VWA8: variants seen among roughly 807,000 people sequenced by gnomAD.
VWA8 encodes von Willebrand factor A domain containing 8.
Under a neutral mutation model 241.5 loss-of-function variants are expected in VWA8, and 221 were observed. The observed-to-expected ratio is 0.91, with a 90% CI of 0.82 to 1.02. The LOEUF (loss-of-function observed/expected upper bound fraction) is 1.02, where lower values mean the gene tolerates loss of function less well. Ranked by LOEUF, VWA8 falls within the 50% of genes least tolerant of loss-of-function variation. VWA8 has a pLI of 0.00. For missense variants in VWA8, 2,322 were observed against 2,328.7 expected, an observed-to-expected ratio of 1.00 and a Z score of 0.06; for synonymous variants, 852 against 827.1, an observed-to-expected ratio of 1.03 and a Z score of -0.52.
At chr13:41,827,898 T>C (rs747356328) in intron 14 of VWA8, among the ~76,000 whole-genome samples, 1 of 152,206 alleles carries the variant, frequency 6.6e-6, no homozygotes, top group African/African-American at 2.4e-5. Flanking sequence ...AGTAGAATGC[T>C]TCTGATGTCC....
intron 7 of VWA8, 32 bp downstream of exon 7, chr13:41,886,749 C>A: frequency 6.5e-7 from 1 of 1,533,074 alleles, no homozygotes; most frequent in South Asian, 1.2e-5. Flanking sequence ...ATTCAATATT[C>A]AGTGTCCAGA....
intron 5 of VWA8, 136 bp downstream of exon 5, chr13:41,891,284 G>T: frequency 1.0e-6 from 1 of 988,924 alleles, no homozygotes. Flanking sequence ...GTAAATTCAT[G>T]ACTCTAGCAA....
In VWA8 at chr13:41,907,572, G is replaced by A; in HGVS notation, c.483+14C>T. ...GGAGTACACAGTCATGGGCTAGAGT[G>A]TGACAGAACTTGCCTGATCAATGTA... is the stretch of plus-strand genomic sequence containing the variant. On this transcript the variant is annotated intron_variant, in intron 4 of 44. Coordinates refer to ENST00000379310, the MANE Select transcript of VWA8 (RefSeq NM_015058.2). 4.3e-6 allele frequency: 7 copies of A among 1,610,634 alleles called. No individual in the cohort carries two copies. The highest frequency in any genetic ancestry group is 5.9e-6 in the Non-Finnish European group (7 of 1,176,836).
At chr13:41,657,823 A>T (rs1013555804) in intron 37 of VWA8, among the ~76,000 whole-genome samples, 1 of 152,244 alleles carries the variant, frequency 6.6e-6, no homozygotes, top group Non-Finnish European at 1.5e-5. Flanking sequence ...TAACCCTAGC[A>T]CAGCAGATTT....
intron 41 of VWA8, among the ~76,000 whole-genome samples, chr13:41,588,973 G>A (rs1233260083): frequency 6.6e-6 from 1 of 152,158 alleles, no homozygotes; most frequent in South Asian, 2.1e-4. Flanking sequence ...CACATTTGTT[G>A]ACCACAATGA....
intron 12 of VWA8, among the ~76,000 whole-genome samples, chr13:41,848,015 G>T (rs1312881830): frequency 6.6e-6 from 1 of 152,130 alleles, no homozygotes; most frequent in Non-Finnish European, 1.5e-5. Context: ...TAGAATTTTT[G>T]GAAATGTTCA....
At chr13:41,694,828 T>C (rs1467228540) in intron 29 of VWA8, among the ~76,000 whole-genome samples, 1 of 152,170 alleles carries the variant, frequency 6.6e-6, no homozygotes, top group African/African-American at 2.4e-5. Context: ...CGTCTTCCAT[T>C]TTCCTACCTT....
intron 14 of VWA8, among the ~76,000 whole-genome samples, chr13:41,822,697 A>G (rs1316822294): frequency 6.6e-6 from 1 of 152,208 alleles, no homozygotes; most frequent in Non-Finnish European, 1.5e-5. Flanking sequence ...TCTCTGAATC[A>G]AAAAGACAAA....
intron 21 of VWA8, among the ~76,000 whole-genome samples, chr13:41,750,926 T>A (rs1044122874): frequency 1.3e-5 from 2 of 151,310 alleles, no homozygotes; most frequent in African/African-American, 2.4e-5. Context: ...AGTACAGTGG[T>A]TAGAACACAG....
At chr13:41,951,055 T>C (rs960536540) in intron 1 of VWA8, among the ~76,000 whole-genome samples, 1 of 152,202 alleles carries the variant, frequency 6.6e-6, no homozygotes, top group Non-Finnish European at 1.5e-5. Flanking sequence ...TTTCAAATTA[T>C]CCAGCAACAT....
chr13:41,926,497 G>A (rs1876847888), intron 2 of VWA8: 1 of 530,342 alleles, frequency 1.9e-6, no homozygotes, highest in Admixed American at 2.0e-5. Flanking sequence ...ATCATAAGAT[G>A]CTAGTGGTTG....
chr13:41,891,207 A>G (rs1874821320), intron 5 of VWA8, among the ~76,000 whole-genome samples: 1 of 152,038 alleles, frequency 6.6e-6, no homozygotes, highest in African/African-American at 2.4e-5. Flanking sequence ...TGACCAAAAA[A>G]AAAAAAGACA....
intron 16 of VWA8, among the ~76,000 whole-genome samples, chr13:41,815,095 A>T (rs1267525029): frequency 2.6e-5 from 4 of 152,236 alleles, no homozygotes; most frequent in Admixed American, 2.6e-4. Context: ...GTGAGTAAAC[A>T]TGCAGCTATC....
chr13:41,659,554 CAG>C (rs2044934406), intron 37 of VWA8, among the ~76,000 whole-genome samples: 1 of 152,136 alleles, frequency 6.6e-6, no homozygotes, highest in Admixed American at 6.6e-5. Flanking sequence ...TTAGTGAAAA[CAG>C]TGTTCACAAC....
intron 12 of VWA8, among the ~76,000 whole-genome samples, chr13:41,851,074 A>C (rs1213777015): frequency 1.3e-5 from 2 of 152,222 alleles, no homozygotes; most frequent in African/African-American, 4.8e-5. Flanking sequence ...ACAATATGGT[A>C]TTATCACCTA....
At chr13:41,954,397 T>G (rs1878271047) in intron 1 of VWA8, among the ~76,000 whole-genome samples, 1 of 152,148 alleles carries the variant, frequency 6.6e-6, no homozygotes, top group Non-Finnish European at 1.5e-5. Flanking sequence ...TCTAACCAGC[T>G]CCACCTCTTG....
Position 41,580,384 on chromosome 13 carries a change from T to C in VWA8, c.5272-4546A>G, listed in dbSNP as rs374198295. 4.5e-4 allele frequency among the ~76,000 whole-genome samples: 69 copies of C among 152,354 alleles called. 1 individual carries two copies. Among genetic ancestry groups the C allele is most frequent in the African/African-American group, 1.6e-3 (68 of 41,586 alleles). ...AAACTGATAGGATGACTGATCTCCATTTCTAAACCTGTGAAACATTCTTGA... is the reference window on the plus strand; with the variant it reads ...AAACTGATAGGATGACTGATCTCCACTTCTAAACCTGTGAAACATTCTTGA... On this transcript the variant is annotated intron_variant, in intron 42 of 44. Transcript: ENST00000379310.
chr13:41,596,615 C>T (rs2044489742), intron 40 of VWA8, among the ~76,000 whole-genome samples: 1 of 151,930 alleles, frequency 6.6e-6, no homozygotes, highest in Non-Finnish European at 1.5e-5. Context: ...AATGAGAGTT[C>T]ATTATATATA....
At chr13:41,871,375 T>TAC (rs1277273432) in intron 9 of VWA8, among the ~76,000 whole-genome samples, 1 of 152,154 alleles carries the variant, frequency 6.6e-6, no homozygotes, top group Admixed American at 6.5e-5. Context: ...TACATATGTA[T>TAC]ACATGTGCCA....
Sources: gnomAD v4.1 joint callset for allele counts (sites outside exome capture counted in the v4.1 genomes callset) on GRCh38, gnomAD v4.1.1 for gene constraint, MANE v1.5 for transcripts, NCBI Gene and HGNC (gene_info 2026-07-23, HGNC 2026-07-21) for gene names.